The following SNX25 variants were observed in gnomAD, a reference collection of about 807,000 sequenced individuals.
The protein encoded by SNX25 is sorting nexin 25.
In SNX25, 62 loss-of-function variants were observed where a neutral mutation model predicts 113.7. The observed-to-expected ratio is 0.55, with a 90% CI of 0.44 to 0.67. The LOEUF (loss-of-function observed/expected upper bound fraction) is 0.67. Among genes scored for constraint, SNX25 ranks in the 30% least tolerant of loss-of-function variants. The probability of loss-of-function intolerance (pLI) is 0.00; values close to 1 mark genes in which losing one functional copy is unlikely to be tolerated. For missense variants in SNX25, 1,014 were observed against 1,161.0 expected (o/e 0.87, Z 1.84); for synonymous variants, 421 against 436.2 (o/e 0.97, Z 0.43).
upstream of SNX25, among the ~76,000 whole-genome samples, chr4:185,206,393 G>A (rs183537832): frequency 2.0e-5 from 3 of 152,144 alleles, no homozygotes; most frequent in Admixed American, 1.3e-4. Flanking sequence ...GATGTATGCC[G>A]GGCATGGTGG....
chr4:185,301,908 CT>C (rs1177900671), intron 6 of SNX25, among the ~76,000 whole-genome samples: 2 of 140,582 alleles, frequency 1.4e-5, no homozygotes, highest in East Asian at 2.2e-4. Context: ...GTTTTTTCTT[CT>C]TTTTTTTTGA....
intron 10 of SNX25, among the ~76,000 whole-genome samples, chr4:185,337,927 G>A (rs2095240167): frequency 6.6e-6 from 1 of 152,112 alleles, no homozygotes; most frequent in African/African-American, 2.4e-5. Context: ...ATTAGTGGTG[G>A]TGAGCATCCT....
At chr4:185,222,025 TCG>T (rs1262765986) in intron 1 of SNX25, among the ~76,000 whole-genome samples, 4 of 24,176 alleles carry the variant, frequency 1.7e-4, no homozygotes, top group Non-Finnish European at 4.3e-4. Flanking sequence ...CATATATCCC[TCG>T]TTCACTGTAG....
intron 12 of SNX25, among the ~76,000 whole-genome samples, chr4:185,343,668 C>T (rs756626720): frequency 2.0e-5 from 3 of 152,220 alleles, no homozygotes; most frequent in Non-Finnish European, 4.4e-5. Flanking sequence ...TCTAATTCTC[C>T]TTCTACTATG....
the SNX25 span, chr4:185,378,016 C>T: frequency 9.6e-5 from 124 of 1,287,664 alleles, no homozygotes; most frequent in Non-Finnish European, 1.3e-4. Context: ...GTCTCGTTTG[C>T]TCTAGCATGC....
At chr4:185,297,388 A>G (rs1165372579) in intron 6 of SNX25, among the ~76,000 whole-genome samples, 4 of 152,124 alleles carry the variant, frequency 2.6e-5, no homozygotes, top group Non-Finnish European at 5.9e-5. Flanking sequence ...GAAGACTCCA[A>G]ATTTCTGTCT....
At chr4:185,221,647 T>G (rs1299923952) in intron 1 of SNX25, among the ~76,000 whole-genome samples, 1 of 152,150 alleles carries the variant, frequency 6.6e-6, no homozygotes, top group African/African-American at 2.4e-5. Context: ...TTCAGCAGCA[T>G]GTTTGTTTAA....
intron 3 of SNX25, among the ~76,000 whole-genome samples, chr4:185,261,114 CTGTGTGTGTGTGTGTGTGTG>C (rs369434936): frequency 4.2e-5 from 6 of 141,758 alleles, no homozygotes; most frequent in Admixed American, 2.8e-4. Context: ...CTGTCTGTCT[CTGTGTGTGTGTGTGTGTGTG>C]TGTGTGTGTG....
chr4:185,276,098 T>C (rs1351635660), intron 5 of SNX25, among the ~76,000 whole-genome samples: 12 of 152,190 alleles, frequency 7.9e-5, no homozygotes, highest in Admixed American at 7.9e-4. Flanking sequence ...GGCAGCAATA[T>C]AAAATTTGAT....
chr4:185,373,994 C>G, downstream of SNX25: 1 of 705,018 alleles, frequency 1.4e-6, no homozygotes, highest in East Asian at 2.8e-5. Flanking sequence ...GCTTTGAGAT[C>G]CTAAAATGTA....
chr4:185,256,048 CTG>C (rs1172866396), intron 2 of SNX25, among the ~76,000 whole-genome samples: 2 of 152,172 alleles, frequency 1.3e-5, no homozygotes, highest in Non-Finnish European at 2.9e-5. Context: ...CAGAACGTGA[CTG>C]AGAGTTTCAT....
intron 2 of SNX25, among the ~76,000 whole-genome samples, chr4:185,249,350 A>G (rs1745316853): frequency 6.6e-6 from 1 of 152,144 alleles, no homozygotes; most frequent in Non-Finnish European, 1.5e-5. Flanking sequence ...GGTGTATCTT[A>G]CTGTGGCCTT....
intron 9 of SNX25, among the ~76,000 whole-genome samples, chr4:185,331,519 A>T (rs557302257): frequency 6.6e-6 from 1 of 152,294 alleles, no homozygotes; most frequent in Admixed American, 6.5e-5. Flanking sequence ...AGTGGCTCAC[A>T]TCTGTAATTC....
intron 7 of SNX25, among the ~76,000 whole-genome samples, chr4:185,315,011 G>A (rs1462970417): frequency 1.2e-4 from 18 of 151,650 alleles, no homozygotes; most frequent in South Asian, 2.1e-4. Flanking sequence ...GGCGGATCAC[G>A]AGGTCAGGAG....
chr4:185,223,577 A>G (rs1340984304), intron 1 of SNX25, among the ~76,000 whole-genome samples: 1 of 151,828 alleles, frequency 6.6e-6, no homozygotes, highest in Non-Finnish European at 1.5e-5. Flanking sequence ...CGAGAAGGGT[A>G]GGACCATCCT....
intron 2 of SNX25, 126 bp from the exon 3 acceptor site, chr4:185,258,722 T>A: frequency 1.4e-6 from 1 of 726,204 alleles, no homozygotes; most frequent in Non-Finnish European, 2.2e-6. Context: ...ATGAGTTCTG[T>A]TTTCTCCTCT....
chr4:185,310,936 C>G (rs188539825), intron 7 of SNX25, 120 bp downstream of exon 7: 2 of 939,976 alleles, frequency 2.1e-6, no homozygotes, highest in Admixed American at 5.9e-5. Context: ...CATAACTACA[C>G]ACTGACATTT....
chr4:185,242,306 A>G (rs1744178617), intron 1 of SNX25, among the ~76,000 whole-genome samples: 1 of 152,110 alleles, frequency 6.6e-6, no homozygotes, highest in African/African-American at 2.4e-5. Context: ...TTGTTCCAGC[A>G]TCGTCTACCT....
At chr4:185,273,620 A>T (rs755967174) in intron 5 of SNX25, among the ~76,000 whole-genome samples, 2 of 152,190 alleles carry the variant, frequency 1.3e-5, no homozygotes, top group Non-Finnish European at 2.9e-5. Flanking sequence ...GCTGTGTGTT[A>T]GCTCTCCAGA....
Sources: allele counts gnomAD v4.1 joint callset (sites outside exome capture counted in the v4.1 genomes callset), GRCh38; gene constraint gnomAD v4.1.1; transcripts MANE v1.5; gene names NCBI Gene and HGNC (gene_info 2026-07-23, HGNC 2026-07-21).